Variants in CDH20 observed in about 807,000 individuals in gnomAD.
CDH20 encodes cadherin-20.
Under a neutral mutation model 74.2 loss-of-function variants are expected in CDH20, and 29 were observed. The ratio of observed to expected loss-of-function variants is 0.39; its 90% CI spans 0.29 to 0.53. The LOEUF (loss-of-function observed/expected upper bound fraction) is 0.53, where lower values mean the gene tolerates loss of function less well. Among genes scored for constraint, CDH20 ranks in the 20% least tolerant of loss-of-function variants. The probability of loss-of-function intolerance (pLI) is 0.69; values close to 1 mark genes in which losing one functional copy is unlikely to be tolerated. For synonymous variants in CDH20, 469 were observed against 405.4 expected, an observed-to-expected ratio of 1.16 and a Z score of -1.88; for missense variants, 988 against 1,048.3, an observed-to-expected ratio of 0.94 and a Z score of 0.79.
At chr18:61,509,848 CAT>C (rs1360907774) in intron 6 of CDH20, among the ~76,000 whole-genome samples, 1 of 152,026 alleles carries the variant, frequency 6.6e-6, no homozygotes, top group East Asian at 1.9e-4. Context: ...AGAATCTGTA[CAT>C]ATTTTGAAAG....
At chr18:61,346,724 A>T (rs907704617) in intron 1 of CDH20, among the ~76,000 whole-genome samples, 1 of 152,204 alleles carries the variant, frequency 6.6e-6, no homozygotes, top group African/African-American at 2.4e-5. Context: ...AGAGGTCGGG[A>T]TTGTGTGAAA....
At chr18:61,452,659 T>C (rs955690072) in intron 1 of CDH20, among the ~76,000 whole-genome samples, 2 of 152,068 alleles carry the variant, frequency 1.3e-5, no homozygotes, top group African/African-American at 4.8e-5. Context: ...AAAATAATCT[T>C]GGCCCCAAAT....
At chr18:61,471,234 C>T (rs921998973) in intron 1 of CDH20, among the ~76,000 whole-genome samples, 26 of 152,152 alleles carry the variant, frequency 1.7e-4, no homozygotes, top group African/African-American at 5.8e-4. Flanking sequence ...AAATTCTAGG[C>T]CATAGCACAT....
chr18:61,356,070 C>T (rs1052891849), intron 1 of CDH20, among the ~76,000 whole-genome samples: 4 of 150,774 alleles, frequency 2.7e-5, no homozygotes, highest in African/African-American at 7.3e-5. Context: ...AGTGATTCCA[C>T]CCCTCAAAAT....
intron 1 of CDH20, among the ~76,000 whole-genome samples, chr18:61,382,279 A>G (rs916356831): frequency 2.6e-5 from 4 of 152,236 alleles, no homozygotes; most frequent in African/African-American, 7.2e-5. Context: ...AATGCATCAT[A>G]GTGATTAGGC....
At chr18:61,437,244 C>G (rs1365735268) in intron 1 of CDH20, among the ~76,000 whole-genome samples, 1 of 152,104 alleles carries the variant, frequency 6.6e-6, no homozygotes, top group Non-Finnish European at 1.5e-5. Flanking sequence ...TCCCACTTGC[C>G]AGGTAGTTCC....
At chr18:61,361,835 C>T (rs183354273) in intron 1 of CDH20, among the ~76,000 whole-genome samples, 7 of 152,154 alleles carry the variant, frequency 4.6e-5, no homozygotes, top group African/African-American at 9.6e-5. Context: ...TAAAACCAGC[C>T]GTTCCATAAG....
At chr18:61,379,342 T>G (rs908169759) in intron 1 of CDH20, among the ~76,000 whole-genome samples, 2 of 152,204 alleles carry the variant, frequency 1.3e-5, no homozygotes, top group Non-Finnish European at 2.9e-5. Context: ...TAGGGCTCTT[T>G]GAGAAACTTG....
At chr18:61,381,420 G>T (rs140176630) in intron 1 of CDH20, among the ~76,000 whole-genome samples, 1 of 152,130 alleles carries the variant, frequency 6.6e-6, no homozygotes, top group Non-Finnish European at 1.5e-5. Context: ...AGAAAATTTT[G>T]GAGTGGGTCT....
At chr18:61,394,983 T>C (rs1235212190) in intron 1 of CDH20, among the ~76,000 whole-genome samples, 1 of 152,036 alleles carries the variant, frequency 6.6e-6, no homozygotes, top group Non-Finnish European at 1.5e-5. Context: ...GAAACCACTG[T>C]CTAGAATCTG....
Position 61,526,665 on chromosome 18 carries a change from G to A in CDH20, c.1018-1302G>A, listed in dbSNP as rs184318746. Among the ~76,000 whole-genome samples, 77 of 151,974 alleles carry A rather than the reference G, an allele frequency of 5.1e-4. 1 individual carries two copies. Among genetic ancestry groups the A allele is most frequent in the African/African-American group, 1.8e-3 (74 of 41,444 alleles). On this transcript the variant is annotated intron_variant, in intron 6 of 11. Coordinates refer to ENST00000262717, the MANE Select transcript of CDH20 (RefSeq NM_031891.4). ...TTCAGAAATAGCATTTTAAGTTCAC[G>A]TTCTGCCCTGGAGCACTGTATTTAT... is the stretch of plus-strand genomic sequence containing the variant.
chr18:61,552,154 A>G (rs183612572), intron 11 of CDH20, among the ~76,000 whole-genome samples: 2 of 142,970 alleles, frequency 1.4e-5, no homozygotes, highest in Admixed American at 7.4e-5. Flanking sequence ...ACAACTAAAT[A>G]AATTAATTCT....
chr18:61,509,110 A>C (rs1911688789), intron 6 of CDH20, among the ~76,000 whole-genome samples: 1 of 152,200 alleles, frequency 6.6e-6, no homozygotes, highest in African/African-American at 2.4e-5. Flanking sequence ...AAAAGACTAC[A>C]AATATGGTGC....
chr18:61,396,457 T>C (rs1434070199), intron 1 of CDH20, among the ~76,000 whole-genome samples: 1 of 152,190 alleles, frequency 6.6e-6, no homozygotes, highest in Admixed American at 6.5e-5. Context: ...AACATTCTCT[T>C]ATACTTTTTC....
intron 2 of CDH20, among the ~76,000 whole-genome samples, chr18:61,496,106 T>C (rs1911137238): frequency 2.5e-5 from 1 of 39,368 alleles, no homozygotes; most frequent in Non-Finnish European, 4.6e-5. Context: ...TCTCTCCTTC[T>C]CTCCTCCCTT....
chr18:61,535,276 A>G (rs1912783514), intron 7 of CDH20, among the ~76,000 whole-genome samples: 2 of 152,116 alleles, frequency 1.3e-5, no homozygotes, highest in South Asian at 4.1e-4. Flanking sequence ...ACATCATGCC[A>G]CTGCACTCCA....
chr18:61,378,762 T>C (rs1911333736), intron 1 of CDH20, among the ~76,000 whole-genome samples: 1 of 152,128 alleles, frequency 6.6e-6, no homozygotes, highest in South Asian at 2.1e-4. Flanking sequence ...AGGTAGATAA[T>C]AAGGGAAATA....
intron 1 of CDH20, among the ~76,000 whole-genome samples, chr18:61,347,317 TATAC>T (rs1442262261): frequency 0.012 from 870 of 69,636 alleles, 18 homozygotes; most frequent in Admixed American, 0.08. Context: ...TATATATATA[TATAC>T]ACACACACAC....
intron 1 of CDH20, among the ~76,000 whole-genome samples, chr18:61,474,103 CAA>C (rs1471187107): frequency 6.6e-6 from 1 of 152,168 alleles, no homozygotes; most frequent in Non-Finnish European, 1.5e-5. Flanking sequence ...GTCTTCCTGC[CAA>C]AGTCAGTGTT....
Sources: gnomAD v4.1 joint callset for allele counts (sites outside exome capture counted in the v4.1 genomes callset) on GRCh38, gnomAD v4.1.1 for gene constraint, MANE v1.5 for transcripts, NCBI Gene and HGNC (gene_info 2026-07-23, HGNC 2026-07-21) for gene names.